Variants in TLN2 observed in about 807,000 individuals in gnomAD.
TLN2 encodes the protein talin 2.
Under a neutral mutation model 294.7 loss-of-function variants are expected in TLN2, and 118 were observed. The ratio of observed to expected loss-of-function variants is 0.40; its 90% CI spans 0.34 to 0.47. TLN2 has a LOEUF of 0.47. Ranked by LOEUF, TLN2 falls within the 20% of genes least tolerant of loss-of-function variation. TLN2 has a pLI of 0.84. For synonymous variants in TLN2, 1,431 were observed against 1,304.5 expected (o/e 1.10, Z -2.09); for missense variants, 3,083 against 3,282.2 (o/e 0.94, Z 1.48).
At chr15:62,629,629 C>G (rs968276541) in intron 3 of TLN2, among the ~76,000 whole-genome samples, 5 of 152,078 alleles carry the variant, frequency 3.3e-5, no homozygotes, top group African/African-American at 1.2e-4. Flanking sequence ...AGCCATGAGC[C>G]CTTGGAGGAT....
chr15:62,423,364 CT>C (rs1044700938), intron 1 of TLN2, among the ~76,000 whole-genome samples: 1 of 152,010 alleles, frequency 6.6e-6, no homozygotes. Flanking sequence ...GAGTGAGACC[CT>C]TTTTTAAAAA....
chr15:62,683,478 TG>T (rs1174429496), intron 11 of TLN2, among the ~76,000 whole-genome samples: 9 of 139,528 alleles, frequency 6.5e-5, no homozygotes, highest in Admixed American at 4.2e-4. Context: ...CGCCTCTCAT[TG>T]GTAGAATGCC....
At position 62,703,065 on chromosome 15, in the gene TLN2, C is replaced by T. The variant is rs148755317; in HGVS notation, c.2004+201C>T. 5.3e-5 allele frequency among the ~76,000 whole-genome samples: 8 copies of T among 151,736 alleles called. No individual in the cohort carries two copies. In the East Asian group the frequency reaches 1.5e-3, roughly 29 times the overall value. On this transcript the variant is annotated intron_variant, in intron 19 of 58. Coordinates refer to ENST00000636159, the MANE Select transcript of TLN2 (RefSeq NM_015059.3). ...ATAGGAAAACTCATTTCACTGCCAC[C>T]ATGCGTCATCATTGTAAAGCACGTA...
At chr15:62,718,022 G>T (rs2059894383) in intron 24 of TLN2, among the ~76,000 whole-genome samples, 1 of 152,200 alleles carries the variant, frequency 6.6e-6, no homozygotes, top group African/African-American at 2.4e-5. Context: ...TTCTTTGAGA[G>T]GCAGGACTTC....
intron 2 of TLN2, among the ~76,000 whole-genome samples, chr15:62,615,734 G>A (rs1401711835): frequency 6.6e-6 from 1 of 152,094 alleles, no homozygotes. Flanking sequence ...ATTTATTTCA[G>A]TAAATTCCTA....
At chr15:62,650,629 A>G (rs907946534) in intron 5 of TLN2, among the ~76,000 whole-genome samples, 1 of 152,220 alleles carries the variant, frequency 6.6e-6, no homozygotes, top group Non-Finnish European at 1.5e-5. Context: ...CAGTAGTAGT[A>G]ACAGCAACAA....
chr15:62,470,290 A>C (rs1235319509), intron 1 of TLN2, among the ~76,000 whole-genome samples: 1 of 152,246 alleles, frequency 6.6e-6, no homozygotes, highest in African/African-American at 2.4e-5. Context: ...TGTTTAACCC[A>C]GACAGTCAAC....
chr15:62,501,130 C>T (rs1448397203), intron 1 of TLN2, among the ~76,000 whole-genome samples: 2 of 152,206 alleles, frequency 1.3e-5, no homozygotes, highest in African/African-American at 4.8e-5. Flanking sequence ...GATAAATGAC[C>T]TTTCTCAGAA....
At chr15:62,705,639 A>G (rs528849454) in intron 19 of TLN2, among the ~76,000 whole-genome samples, 1 of 152,352 alleles carries the variant, frequency 6.6e-6, no homozygotes, top group East Asian at 1.9e-4. Context: ...AGGGAATACT[A>G]TGACCTACTT....
chr15:62,727,338 A>C (rs2060493696), intron 28 of TLN2, 149 bp downstream of exon 28: 1 of 687,624 alleles, frequency 1.5e-6, no homozygotes, highest in Non-Finnish European at 2.4e-6. Flanking sequence ...TGTGCTTGTT[A>C]CCGGGCTTGA....
chr15:62,644,730 G>A (rs2051623480), intron 3 of TLN2: 1 of 379,058 alleles, frequency 2.6e-6, no homozygotes, highest in Admixed American at 3.4e-5. Context: ...TTGCTCCTCT[G>A]TGTGTCTTCT....
intron 22 of TLN2, 51 bp from the exon 23 acceptor site, chr15:62,716,280 C>A: frequency 6.7e-7 from 1 of 1,488,056 alleles, no homozygotes; most frequent in Admixed American, 2.5e-5. Flanking sequence ...GGCATGAATT[C>A]AGTGATGTCT....
chr15:62,548,034 T>C (rs145377395), intron 1 of TLN2, among the ~76,000 whole-genome samples: 2 of 152,194 alleles, frequency 1.3e-5, no homozygotes, highest in South Asian at 2.1e-4. Flanking sequence ...TGCAAACATA[T>C]GGAGCTTCAT....
rs567539683 is a variant in TLN2 at position 62,548,476 on chromosome 15, A to G, written c.-237-41211A>G. Among the ~76,000 whole-genome samples, 47 of 152,324 alleles carry G rather than the reference A, an allele frequency of 3.1e-4. 1 individual carries two copies. The South Asian group carries it at 8.9e-3, about 29-fold the overall frequency. ...GAAAAAGACCTACTTTTCAAGTTGC[A>G]CACAGGGTTCTCTAGGTGTGTCTTC... On this transcript the variant is annotated intron_variant, in intron 1 of 58. Coordinates refer to ENST00000636159, the MANE Select transcript of TLN2 (RefSeq NM_015059.3).
intron 52 of TLN2, 56 bp from the exon 53 acceptor site, chr15:62,819,460 T>C: frequency 2.1e-6 from 3 of 1,442,560 alleles, no homozygotes; most frequent in Non-Finnish European, 2.9e-6. Flanking sequence ...TGTGCTTCTT[T>C]CCTGTCCCAG....
At chr15:62,541,158 G>C (rs1007822977) in intron 1 of TLN2, among the ~76,000 whole-genome samples, 1 of 152,142 alleles carries the variant, frequency 6.6e-6, no homozygotes, top group Non-Finnish European at 1.5e-5. Flanking sequence ...TTTTATACCT[G>C]TGTTAGGGGT....
chr15:62,556,684 A>T (rs944209629), intron 1 of TLN2, among the ~76,000 whole-genome samples: 2 of 152,296 alleles, frequency 1.3e-5, no homozygotes, highest in South Asian at 4.1e-4. Flanking sequence ...CCATTTGCAA[A>T]TATAGAAAGT....
intron 41 of TLN2, among the ~76,000 whole-genome samples, chr15:62,769,162 C>T (rs1286157696): frequency 6.6e-6 from 1 of 152,220 alleles, no homozygotes; most frequent in East Asian, 1.9e-4. Flanking sequence ...ATAAAATTAA[C>T]CTAGAAAACA....
intron 2 of TLN2, among the ~76,000 whole-genome samples, chr15:62,617,698 T>G (rs1297773726): frequency 3.3e-5 from 5 of 152,354 alleles, no homozygotes; most frequent in Non-Finnish European, 7.3e-5. Context: ...TCTGCTACAC[T>G]GAATGGCTCT....
Sources: gnomAD v4.1 joint callset for allele counts (sites outside exome capture counted in the v4.1 genomes callset) on GRCh38, gnomAD v4.1.1 for gene constraint, MANE v1.5 for transcripts, NCBI Gene and HGNC (gene_info 2026-07-23, HGNC 2026-07-21) for gene names.